The following MEX3C variants were observed in gnomAD, a reference collection of about 807,000 sequenced individuals.
MEX3C encodes the protein RNA-binding E3 ubiquitin-protein ligase MEX3C.
A neutral mutation model predicts 35.5 loss-of-function variants in MEX3C; 15 were observed. The observed-to-expected ratio is 0.42, with a 90% CI of 0.28 to 0.65. The LOEUF (loss-of-function observed/expected upper bound fraction) is 0.65, where lower values mean the gene tolerates loss of function less well. MEX3C is among the 30% of genes least tolerant of loss of function. MEX3C has a pLI of 0.20. For synonymous variants in MEX3C, 390 were observed against 352.8 expected (o/e 1.11, Z -1.18); for missense variants, 711 against 842.8 (o/e 0.84, Z 1.94).
intron 1 of MEX3C, chr18:51,196,155 G>C (rs1302249407): frequency 1.3e-5 from 3 of 232,924 alleles, no homozygotes; most frequent in African/African-American, 2.3e-5. Context: ...TGTAAGGGAG[G>C]CTGAACGCTT....
intron 1 of MEX3C, among the ~76,000 whole-genome samples, chr18:51,191,796 T>G (rs143595715): frequency 9.9e-4 from 151 of 152,062 alleles, no homozygotes; most frequent in Middle Eastern, 3.4e-3. Context: ...GCCTAGGGAG[T>G]TTAAGTGACT....
At position 51,176,374 on chromosome 18, in the gene MEX3C, G is replaced by C; in HGVS notation, c.1957C>G (p.Gln653Glu). The part of the protein sequence containing the change: ...SCPVCQTAVT[Q>E]AIQIHS ...AGTTAAGAGTGAATTTGGATTGCCT[G>C]AGTAACAGCTGTCTGGCAAACTGGA... The change falls in exon 2 of 2, where the codon CAG (glutamine) becomes GAG (glutamate). Residue 653 changes from glutamine (Q) to glutamate (E), a missense_variant. By Grantham distance (29) the Gln-to-Glu change is conservative (BLOSUM62 2). This residue lies in a region of MEX3C where 87 missense variants were observed against 150.4 expected (regional missense o/e 0.58). Transcript: ENST00000406189. 1 of 1,613,762 alleles carries C rather than the reference G, an allele frequency of 6.2e-7. No homozygotes were observed. The highest frequency in any genetic ancestry group is 1.1e-5 in the South Asian group (1 of 91,044).
rs772704443 is a variant in MEX3C, at chr18:51,176,823, G to T, written c.1508C>A (p.Pro503Gln). The T allele has an allele frequency of 1.3e-5, 21 of 1,613,854 alleles. No individual in the cohort carries two copies. In the East Asian group the frequency reaches 3.6e-4, roughly 27 times the overall value. ...AVDSPAFDSLPTSAQTIWTPF... is the reference protein window; with the variant it reads ...AVDSPAFDSLQTSAQTIWTPF... ...AGTCCAGATAGTTTGAGCAGATGTT[G>T]GTAAAGAGTCAAAGGCAGGAGAGTC... is the stretch of plus-strand genomic sequence containing the variant. Residue 503 changes from proline to glutamine, a missense_variant, in exon 2 of 2, where the codon CCA becomes CAA. By Grantham distance (76) the Pro-to-Gln change is moderately conservative (BLOSUM62 -1). Transcript: ENST00000406189.
In MEX3C at chr18:51,196,586, G is replaced by T; in HGVS notation, c.735C>A (p.Ala245=). Reference sequence around the variant, plus strand: ...ACTCACCCTGGCGGCCGACGATCTCGGCGACGTGCTCGGAGCTGGGCACCG... The same window carrying T: ...ACTCACCCTGGCGGCCGACGATCTCTGCGACGTGCTCGGAGCTGGGCACCG... ...CVPVPSSEHV[A]EIVGRQGCKI... Residue 245 remains alanine (A), a synonymous_variant, in exon 1 of 2, where the codon GCC becomes GCA. Transcript: ENST00000406189. 1.9e-6 allele frequency: 3 copies of T among 1,591,372 alleles called. No individual in the cohort carries two copies. Among genetic ancestry groups the T allele is most frequent in the Non-Finnish European group, 2.6e-6 (3 of 1,174,616 alleles).
chr18:51,176,460 C>T lies in MEX3C; in HGVS notation c.1871G>A (p.Gly624Asp). 2 of 1,613,952 alleles carry T rather than the reference C, an allele frequency of 1.2e-6. No homozygotes were observed. Among genetic ancestry groups the T allele is most frequent in the Non-Finnish European group, 1.7e-6 (2 of 1,179,878 alleles). ...NEVIAALVPC[G>D]HNLFCMECAN... ...ACATTCCATGCAGAAGAGGTTGTGG[C>T]CACATGGAACTAGGGCAGCAATAAC... The change falls in exon 2 of 2, where the codon GGC (glycine) becomes GAC (aspartate). Residue 624 changes from glycine to aspartate, a missense_variant. Coordinates refer to ENST00000406189, the MANE Select transcript of MEX3C (RefSeq NM_016626.5).
At chr18:51,178,788 G>A (rs1912359850) in intron 1 of MEX3C, among the ~76,000 whole-genome samples, 1 of 150,934 alleles carries the variant, frequency 6.6e-6, no homozygotes, top group Non-Finnish European at 1.5e-5. Flanking sequence ...CGAACCCGGG[G>A]GACAGAGGTT....
chr18:51,176,161 A>T lies in MEX3C; in HGVS notation c.*190T>A. Reference sequence around the variant, plus strand: ...TACTAATAATTCAAACCAAACTAATAGACAAGAGACCACTTAGGTTTAGTG... The same window carrying T: ...TACTAATAATTCAAACCAAACTAATTGACAAGAGACCACTTAGGTTTAGTG... On this transcript the variant is annotated 3_prime_UTR_variant, in exon 2 of 2. Transcript: ENST00000406189. The T allele has an allele frequency of 1.8e-6, 1 of 552,116 alleles. No homozygotes were observed. Among genetic ancestry groups the T allele is most frequent in the Non-Finnish European group, 3.1e-6 (1 of 323,472 alleles). 34.2% of individuals were successfully genotyped at this position (552,116 alleles called of 1,614,324 possible).
chr18:51,182,294 AGGGGG>A (rs1295183218), intron 1 of MEX3C, among the ~76,000 whole-genome samples: 3 of 145,656 alleles, frequency 2.1e-5, no homozygotes, highest in African/African-American at 7.3e-5. Flanking sequence ...CTGTTGGATA[AGGGGG>A]GGACTACTGT....
intron 1 of MEX3C, among the ~76,000 whole-genome samples, chr18:51,180,950 C>T (rs1221858680): frequency 1.2e-4 from 19 of 152,204 alleles, no homozygotes; most frequent in Admixed American, 1.2e-3. Flanking sequence ...AAACAACTAA[C>T]ATGATTTCTC....
intron 1 of MEX3C, among the ~76,000 whole-genome samples, chr18:51,187,917 T>C (rs1016609512): frequency 6.6e-6 from 1 of 152,174 alleles, no homozygotes; most frequent in Admixed American, 6.5e-5. Flanking sequence ...AAATATGGAA[T>C]TGCCATTAGT....
chr18:51,182,200 A>C (rs569885852), intron 1 of MEX3C, among the ~76,000 whole-genome samples: 3 of 152,234 alleles, frequency 2.0e-5, no homozygotes, highest in Non-Finnish European at 2.9e-5. Flanking sequence ...AGGTATGTAC[A>C]TATAGGAAAA....
rs541929504 is a variant in MEX3C, at chr18:51,197,291, G to A, written c.30C>T (p.Ala10=). Residue 10 remains alanine, a synonymous_variant, in exon 1 of 2, where the codon GCC becomes GCT. Transcript: ENST00000406189. The stretch of plus-strand genomic sequence containing the variant: ...GCAGGGGGGCCGGGGCCGCCGCCAG[G>A]GCCAGGGCCGCGGAGCTGCCGCTGG... MPSGSSAAL[A]LAAAPAPLPQ... 4.2e-6 allele frequency: 3 copies of A among 709,914 alleles called. No individual in the cohort carries two copies. The highest frequency in any genetic ancestry group is 1.4e-4 in the East Asian group (1 of 7,358). The allele number at this position is 709,914 out of a possible 1,614,324, so 44.0% of individuals were successfully genotyped here. A position where few individuals can be genotyped will look rare whatever the true frequency, so the allele number is the denominator to read the frequency against.
At position 51,177,438 on chromosome 18, in the gene MEX3C, T is replaced by C; in HGVS notation, c.893A>G (p.Glu298Gly). 6.2e-7 allele frequency: 1 copy of C among 1,613,988 alleles called. No individual in the cohort carries two copies. Among genetic ancestry groups the C allele is most frequent in the South Asian group, 1.1e-5 (1 of 91,074 alleles). The change falls in exon 2 of 2, where the codon GAG becomes GGG. Residue 298 changes from glutamate to glycine, a missense_variant. By Grantham distance (98) the Glu-to-Gly change is moderately conservative. Around this residue, in one of 4 missense-constraint regions of MEX3C, gnomAD observed 83 missense variants for 179.1 expected, o/e 0.46. Coordinates refer to ENST00000406189, the MANE Select transcript of MEX3C (RefSeq NM_016626.5). The surrounding 1 kb of genome is among the most constrained non-coding windows in gnomAD (Gnocchi z 4.2). ...AGATGCACGAATCATGGAGAAGTGC[T>C]CTGCAGCTGAGAGGATCTCTCTTTT... ...MAKREILSAA[E>G]HFSMIRASRN...
Position 51,177,472 on chromosome 18 carries a change from C to A in MEX3C, c.859G>T (p.Ala287Ser), listed in dbSNP as rs1173877458. ...FVVTGRKEDV[A>S]MAKREILSAA... ...GAGAGGATCTCTCTTTTGGCCATGGCAACATCTTCTTTCCTTCCAGTGACA... is the reference window on the plus strand; with the variant it reads ...GAGAGGATCTCTCTTTTGGCCATGGAAACATCTTCTTTCCTTCCAGTGACA... The change falls in exon 2 of 2, where the codon GCC (alanine) becomes TCC (serine). Residue 287 changes from alanine (A) to serine (S), a missense_variant. This residue lies in a region of MEX3C where 83 missense variants were observed against 179.1 expected (regional missense o/e 0.46). Transcript: ENST00000406189. The surrounding 1 kb of genome is among the most constrained non-coding windows in gnomAD (Gnocchi z 4.2). 1 of 1,613,886 alleles carries A rather than the reference C, an allele frequency of 6.2e-7. No homozygotes were observed. The highest frequency in any genetic ancestry group is 8.5e-7 in the Non-Finnish European group (1 of 1,179,896).
At chr18:51,182,600 TA>T (rs1330449216) in intron 1 of MEX3C, among the ~76,000 whole-genome samples, 1 of 152,186 alleles carries the variant, frequency 6.6e-6, no homozygotes, top group African/African-American at 2.4e-5. Flanking sequence ...TGTTTCACCT[TA>T]AAACCCTTTA....
At chr18:51,193,542 C>T (rs1361020661) in intron 1 of MEX3C, 2 of 152,076 alleles carry the variant, frequency 1.3e-5, no homozygotes, top group Admixed American at 6.5e-5. Context: ...AAAACAGAGA[C>T]GTTCTAAGTT....
Position 51,197,282 on chromosome 18 carries a change from C to G in MEX3C, c.39G>C (p.Ala13=). The stretch of plus-strand genomic sequence containing the variant: ...GCGGCTGCGGCAGGGGGGCCGGGGC[C>G]GCCGCCAGGGCCAGGGCCGCGGAGC... ...SGSSAALALA[A]APAPLPQPPP... is the part of the protein sequence containing the mutation. The change falls in exon 1 of 2, where the codon GCG becomes GCC. Residue 13 remains alanine (A), a synonymous_variant. Coordinates refer to ENST00000406189, the MANE Select transcript of MEX3C (RefSeq NM_016626.5). 1.3e-6 allele frequency: 1 copy of G among 781,750 alleles called. No homozygotes were observed. The highest frequency in any genetic ancestry group is 1.5e-6 in the Non-Finnish European group (1 of 646,848). The allele number at this position is 781,750 out of a possible 1,614,324, so 48.4% of individuals were successfully genotyped here.
Position 51,196,426 on chromosome 18 carries a change from C to T in MEX3C, c.754+141G>A, listed in dbSNP as rs1912788482. The T allele has an allele frequency of 7.0e-6, 10 of 1,424,796 alleles. No individual in the cohort carries two copies. The East Asian group carries it at 2.7e-4, about 38-fold the overall frequency. 88.3% of individuals were successfully genotyped at this position (1,424,796 alleles called of 1,614,324 possible). A position where few individuals can be genotyped will look rare whatever the true frequency, so the allele number is the denominator to read the frequency against. On this transcript the variant is annotated intron_variant, in intron 1 of 1. Coordinates refer to ENST00000406189, the MANE Select transcript of MEX3C (RefSeq NM_016626.5). ...GTGACCCATCTTCACATCTGGTCGA[C>T]CCTCGGCTCCTCCCAGACCCCTTCG...
chr18:51,193,176 C>T (rs1231774724), intron 1 of MEX3C: 1 of 151,950 alleles, frequency 6.6e-6, no homozygotes. Flanking sequence ...CATAAATATC[C>T]AGATATTGGG....
Sources: gnomAD v4.1 joint callset for allele counts (sites outside exome capture counted in the v4.1 genomes callset) on GRCh38, gnomAD v4.1.1 for gene constraint, gnomAD v4.1.1 regional missense constraint, Gnocchi (gnomAD v3.1) non-coding constraint, MANE v1.5 for transcripts, NCBI Gene and HGNC (gene_info 2026-07-23, HGNC 2026-07-21) for gene names.